The following XPR1 variants were observed in gnomAD, a reference collection of about 807,000 sequenced individuals.
XPR1 encodes xenotropic and polytropic retrovirus receptor 1.
XPR1 carries 28 observed loss-of-function variants against 87.5 expected under a neutral mutation model. The observed-to-expected ratio is 0.32, with a 90% confidence interval of 0.24 to 0.44. The LOEUF is 0.44. Ranked by LOEUF, XPR1 falls within the 20% of genes least tolerant of loss-of-function variation. The probability of loss-of-function intolerance (pLI) is 1.00; values close to 1 mark genes in which losing one functional copy is unlikely to be tolerated. For missense variants in XPR1, 559 were observed against 862.3 expected, an observed-to-expected ratio of 0.65 and a Z score of 4.41; for synonymous variants, 300 against 306.1, an observed-to-expected ratio of 0.98 and a Z score of 0.21.
chr1:180,789,990 A>C (rs572001388), intron 3 of XPR1, among the ~76,000 whole-genome samples: 28 of 152,036 alleles, frequency 1.8e-4, no homozygotes, highest in African/African-American at 6.3e-4. Flanking sequence ...GCTTTTGTAA[A>C]CCTTATATCA....
chr1:180,682,934 T>C (rs1392836901), intron 2 of XPR1, among the ~76,000 whole-genome samples: 1 of 152,154 alleles, frequency 6.6e-6, no homozygotes, highest in Admixed American at 6.5e-5. Flanking sequence ...TGAGGGAGAA[T>C]GTTCCTTCTC....
intron 1 of XPR1, among the ~76,000 whole-genome samples, chr1:180,669,173 G>A (rs1023272094): frequency 6.6e-6 from 1 of 151,672 alleles, no homozygotes; most frequent in Non-Finnish European, 1.5e-5. Context: ...ACATGCACTT[G>A]AAAAGAATGC....
chr1:180,822,588 C>T (rs1273173392), intron 7 of XPR1, among the ~76,000 whole-genome samples: 1 of 152,042 alleles, frequency 6.6e-6, no homozygotes, highest in Non-Finnish European at 1.5e-5. Context: ...GTAATAGGCA[C>T]CTAATCAATA....
At chr1:180,833,122 A>G (rs987483226) in intron 9 of XPR1, among the ~76,000 whole-genome samples, 12 of 152,042 alleles carry the variant, frequency 7.9e-5, no homozygotes, top group African/African-American at 2.2e-4. Flanking sequence ...CTTTGTAGCA[A>G]TTGTGAATGG....
At chr1:180,812,412 T>C (rs1446712025) in intron 7 of XPR1, among the ~76,000 whole-genome samples, 1 of 152,226 alleles carries the variant, frequency 6.6e-6, no homozygotes, top group Admixed American at 6.6e-5. Context: ...ATTTGTCTAG[T>C]AGATATCTCA....
intron 2 of XPR1, among the ~76,000 whole-genome samples, chr1:180,755,152 A>G (rs1647684748): frequency 6.6e-6 from 1 of 152,214 alleles, no homozygotes; most frequent in African/African-American, 2.4e-5. Flanking sequence ...TGATAGATGT[A>G]GCATGTGTCG....
chr1:180,665,438 C>G (rs1571699030), intron 1 of XPR1, among the ~76,000 whole-genome samples: 1 of 152,218 alleles, frequency 6.6e-6, no homozygotes, highest in African/African-American at 2.4e-5. Flanking sequence ...ATTACTGGTC[C>G]AGGGCCTTGG....
intron 1 of XPR1, among the ~76,000 whole-genome samples, chr1:180,675,267 G>A (rs553451624): frequency 6.6e-6 from 1 of 152,260 alleles, no homozygotes; most frequent in South Asian, 2.1e-4. Context: ...AGGAGAAAGA[G>A]GGAGGGTATG....
intron 2 of XPR1, among the ~76,000 whole-genome samples, chr1:180,717,291 C>T (rs1380410642): frequency 6.6e-6 from 1 of 152,150 alleles, no homozygotes; most frequent in Non-Finnish European, 1.5e-5. Flanking sequence ...CTGTGCCTAG[C>T]CCTAATTTTC....
chr1:180,715,313 A>G (rs1657949350), intron 2 of XPR1, among the ~76,000 whole-genome samples: 1 of 152,160 alleles, frequency 6.6e-6, no homozygotes. Context: ...GTTTAGACAC[A>G]CTAGAATTCT....
intron 2 of XPR1, among the ~76,000 whole-genome samples, chr1:180,747,934 A>G (rs1647326237): frequency 6.6e-6 from 1 of 152,272 alleles, no homozygotes; most frequent in African/African-American, 2.4e-5. Flanking sequence ...CTTTGAAATC[A>G]GAAGAACAAC....
intron 2 of XPR1, among the ~76,000 whole-genome samples, chr1:180,745,281 T>A (rs1455042275): frequency 6.6e-6 from 1 of 152,138 alleles, no homozygotes; most frequent in Non-Finnish European, 1.5e-5. Flanking sequence ...GAGCAATTCC[T>A]ATGACTTTGC....
chr1:180,659,216 TCCTTCCTTCCTTCCTTCCTTC>T (rs1655654757), intron 1 of XPR1, among the ~76,000 whole-genome samples: 1 of 31,358 alleles, frequency 3.2e-5, no homozygotes, highest in Non-Finnish European at 8.3e-5. Flanking sequence ...CTTCCTTCCT[TCCTTCCTTCCTTCCTTCCTTC>T]CTTCCTTCCT....
intron 1 of XPR1, among the ~76,000 whole-genome samples, chr1:180,636,538 T>A (rs1473478328): frequency 3.3e-5 from 5 of 152,204 alleles, no homozygotes; most frequent in Admixed American, 3.3e-4. Flanking sequence ...TGGTTTTGGA[T>A]CAGCTTTTGG....
chr1:180,873,857 A>C lies in XPR1; in HGVS notation c.1723A>C (p.Ile575Leu). The C allele has an allele frequency of 6.2e-7, 1 of 1,614,158 alleles. No individual in the cohort carries two copies. The highest frequency in any genetic ancestry group is 8.5e-7 in the Non-Finnish European group (1 of 1,180,014). ...EDVILRFAWT[I>L]QISITSTTLL... ...TGTGATTCTGCGCTTTGCTTGGACT[A>C]TCCAAATCTCGATTACCTCTACAAC... is the stretch of plus-strand genomic sequence containing the variant. Residue 575 changes from isoleucine (I) to leucine (L), a missense_variant, in exon 13 of 15, where the codon ATC (isoleucine) becomes CTC (leucine). By Grantham distance (5) the Ile-to-Leu change is conservative. Around this residue, in one of 7 missense-constraint regions of XPR1, gnomAD observed 264 missense variants for 377.2 expected, o/e 0.70. Coordinates refer to ENST00000367590, the MANE Select transcript of XPR1 (RefSeq NM_004736.4).
intron 2 of XPR1, among the ~76,000 whole-genome samples, chr1:180,779,283 T>C (rs1199390938): frequency 2.0e-5 from 3 of 152,302 alleles, no homozygotes; most frequent in Admixed American, 1.3e-4. Context: ...CTTGTGTAGA[T>C]TTCTTTCTGT....
chr1:180,806,988 G>T (rs966652290), intron 6 of XPR1, among the ~76,000 whole-genome samples: 6 of 151,938 alleles, frequency 3.9e-5, no homozygotes, highest in African/African-American at 1.5e-4. Flanking sequence ...AATATAGAAG[G>T]ATTTAAGTCA....
At chr1:180,706,551 T>C (rs1385114365) in intron 2 of XPR1, among the ~76,000 whole-genome samples, 1 of 152,206 alleles carries the variant, frequency 6.6e-6, no homozygotes, top group Non-Finnish European at 1.5e-5. Flanking sequence ...AAAATAACCA[T>C]TTTGATTGCA....
At chr1:180,822,923 A>G (rs1306286861) in intron 7 of XPR1, among the ~76,000 whole-genome samples, 1 of 152,182 alleles carries the variant, frequency 6.6e-6, no homozygotes, top group East Asian at 1.9e-4. Context: ...AAGGTAAACA[A>G]TAAATGGTTA....
Sources: allele counts gnomAD v4.1 joint callset (sites outside exome capture counted in the v4.1 genomes callset), GRCh38; gene constraint gnomAD v4.1.1; regional missense constraint gnomAD v4.1.1; transcripts MANE v1.5; gene names NCBI Gene and HGNC (gene_info 2026-07-23, HGNC 2026-07-21).